Variants in KCNMB2 observed in about 807,000 individuals in gnomAD.
KCNMB2 encodes potassium calcium-activated channel subfamily M regulatory beta subunit 2.
In KCNMB2, 9 loss-of-function variants were observed where a neutral mutation model predicts 24.5. The ratio of observed to expected loss-of-function variants is 0.37; its 90% CI spans 0.22 to 0.64. The LOEUF (loss-of-function observed/expected upper bound fraction) is 0.64. Ranked by LOEUF, KCNMB2 falls within the 30% of genes least tolerant of loss-of-function variation. The probability of loss-of-function intolerance (pLI) is 0.63; values close to 1 mark genes in which losing one functional copy is unlikely to be tolerated. For synonymous variants in KCNMB2, 109 were observed against 104.4 expected (o/e 1.04, Z -0.27); for missense variants, 226 against 284.3 (o/e 0.79, Z 1.47).
chr3:178,669,584 A>G lies in KCNMB2; in HGVS notation c.-68+132873A>G, dbSNP rs182218220. ...AACCTCACCAATGTGTATGCAACAC[A>G]TTGGCTAAATTCTAAAGATAATTCA... On this transcript the variant is annotated intron_variant, in intron 1 of 4. Transcript: ENST00000452583. 1.3e-3 allele frequency among the ~76,000 whole-genome samples: 205 copies of G among 152,248 alleles called. 5 individuals carry two copies. The highest frequency in any genetic ancestry group is 4.8e-3 in the African/African-American group (200 of 41,566).
At chr3:178,750,491 C>A (rs1723808136) in intron 1 of KCNMB2, among the ~76,000 whole-genome samples, 1 of 152,210 alleles carries the variant, frequency 6.6e-6, no homozygotes, top group Non-Finnish European at 1.5e-5. Context: ...ACATTCTACT[C>A]TGAAGGCAGA....
At chr3:178,770,364 C>T (rs1712297606) in intron 1 of KCNMB2, among the ~76,000 whole-genome samples, 1 of 152,178 alleles carries the variant, frequency 6.6e-6, no homozygotes, top group South Asian at 2.1e-4. Flanking sequence ...ACTTGAAATA[C>T]AAGAGACAGG....
At chr3:178,565,211 C>T (rs954689877) in intron 1 of KCNMB2, among the ~76,000 whole-genome samples, 13 of 152,134 alleles carry the variant, frequency 8.5e-5, no homozygotes, top group African/African-American at 3.1e-4. Flanking sequence ...AGACCACATC[C>T]TACCTTCTGC....
chr3:178,601,250 C>G (rs545429891), intron 1 of KCNMB2, among the ~76,000 whole-genome samples: 2 of 152,150 alleles, frequency 1.3e-5, no homozygotes, highest in South Asian at 4.2e-4. Flanking sequence ...ATGCAGATGA[C>G]AGGTTGATGG....
intron 1 of KCNMB2, among the ~76,000 whole-genome samples, chr3:178,593,395 C>T (rs1018640644): frequency 6.6e-6 from 1 of 152,064 alleles, no homozygotes; most frequent in African/African-American, 2.4e-5. Flanking sequence ...TTGAAATCCA[C>T]AATTAAACAT....
chr3:178,561,381 G>A (rs1004854998), intron 1 of KCNMB2, among the ~76,000 whole-genome samples: 1 of 152,172 alleles, frequency 6.6e-6, no homozygotes, highest in Non-Finnish European at 1.5e-5. Flanking sequence ...AGGCCATTTT[G>A]TTTATTTGCT....
At position 178,754,493 on chromosome 3, in the gene KCNMB2, CA is replaced by C. The variant is rs368760466; in HGVS notation, c.-67-52847del. 2.8e-3 allele frequency among the ~76,000 whole-genome samples: 419 copies of C among 151,856 alleles called. 5 individuals are homozygous for C. Among genetic ancestry groups the C allele is most frequent in the African/African-American group, 9.7e-3 (400 of 41,398 alleles). On this transcript the variant is annotated intron_variant, in intron 1 of 4. Coordinates refer to ENST00000452583, the MANE Select transcript of KCNMB2 (RefSeq NM_181361.3). ...TTTGCTAATCTATTTATTATGTGTC[CA>C]AAGAAAGATGCTATTAAAATGCCAA...
intron 4 of KCNMB2, among the ~76,000 whole-genome samples, chr3:178,838,431 G>A (rs1199295692): frequency 1.3e-5 from 2 of 152,042 alleles, no homozygotes. Flanking sequence ...AAATTTTAAG[G>A]TGTCAACCAG....
intron 1 of KCNMB2, among the ~76,000 whole-genome samples, chr3:178,635,634 G>A (rs549128249): frequency 9.9e-5 from 15 of 152,104 alleles, no homozygotes; most frequent in African/African-American, 3.1e-4. Flanking sequence ...AACTCTGCCC[G>A]GTTTTCTGTG....
intron 1 of KCNMB2, among the ~76,000 whole-genome samples, chr3:178,666,666 A>G (rs976761100): frequency 2.0e-5 from 3 of 152,184 alleles, no homozygotes; most frequent in Admixed American, 6.6e-5. Context: ...TTTAATTCCA[A>G]AAAGATCTGT....
At chr3:178,632,596 CCCACTGAGT>C (rs1719359315) in intron 1 of KCNMB2, among the ~76,000 whole-genome samples, 1 of 152,168 alleles carries the variant, frequency 6.6e-6, no homozygotes, top group South Asian at 2.1e-4. Flanking sequence ...TCAATTACCT[CCCACTGAGT>C]CCCTCCCATG....
intron 1 of KCNMB2, among the ~76,000 whole-genome samples, chr3:178,665,785 G>A (rs1720696665): frequency 6.6e-6 from 1 of 152,146 alleles, no homozygotes; most frequent in Non-Finnish European, 1.5e-5. Context: ...ACTCACGAAT[G>A]TGTGAACAAA....
intron 2 of KCNMB2, among the ~76,000 whole-genome samples, chr3:178,808,294 A>G (rs1047110222): frequency 1.1e-4 from 16 of 152,210 alleles, no homozygotes; most frequent in African/African-American, 3.9e-4. Context: ...TTGCACTATT[A>G]TCTGGGTTAA....
At chr3:178,620,812 C>T (rs551528328) in intron 1 of KCNMB2, among the ~76,000 whole-genome samples, 10 of 152,234 alleles carry the variant, frequency 6.6e-5, no homozygotes, top group African/African-American at 2.4e-4. Flanking sequence ...GAAAGATAAA[C>T]AGGACTTGCC....
intron 1 of KCNMB2, among the ~76,000 whole-genome samples, chr3:178,705,441 G>C (rs1722245845): frequency 6.6e-6 from 1 of 152,102 alleles, no homozygotes; most frequent in African/African-American, 2.4e-5. Context: ...CCAAGAACTT[G>C]TATCAGGTAC....
intron 1 of KCNMB2, among the ~76,000 whole-genome samples, chr3:178,775,900 C>T (rs1712559119): frequency 6.6e-6 from 1 of 152,112 alleles, no homozygotes; most frequent in Admixed American, 6.6e-5. Context: ...TCAATGGATC[C>T]TGCTTTCATT....
chr3:178,665,389 T>A (rs984499778), intron 1 of KCNMB2, among the ~76,000 whole-genome samples: 7 of 152,306 alleles, frequency 4.6e-5, no homozygotes, highest in East Asian at 1.9e-4. Flanking sequence ...ATAAACTTTT[T>A]AAAAATACTG....
chr3:178,590,963 A>G (rs1011941061), intron 1 of KCNMB2, among the ~76,000 whole-genome samples: 2 of 152,182 alleles, frequency 1.3e-5, no homozygotes, highest in East Asian at 1.9e-4. Context: ...TTTCATTTCA[A>G]TGTTTTTTAT....
intron 1 of KCNMB2, among the ~76,000 whole-genome samples, chr3:178,589,651 A>C (rs546951315): frequency 1.3e-5 from 2 of 152,138 alleles, no homozygotes; most frequent in East Asian, 3.9e-4. Flanking sequence ...ACAAATTTTA[A>C]AATATTTTTG....
Sources: gnomAD v4.1 joint callset for allele counts (sites outside exome capture counted in the v4.1 genomes callset) on GRCh38, gnomAD v4.1.1 for gene constraint, MANE v1.5 for transcripts, NCBI Gene and HGNC (gene_info 2026-07-23, HGNC 2026-07-21) for gene names.